Variants in DDX10 observed in about 807,000 individuals in gnomAD.
The protein encoded by DDX10 is probable ATP-dependent RNA helicase DDX10.
A neutral mutation model predicts 104.3 loss-of-function variants in DDX10; 74 were observed. The observed-to-expected ratio is 0.71, with a 90% confidence interval of 0.59 to 0.86. The LOEUF (loss-of-function observed/expected upper bound fraction) is 0.86. Among genes scored for constraint, DDX10 ranks in the 40% least tolerant of loss-of-function variants. The pLI is 0.00. For missense variants in DDX10, 952 were observed against 1,040.0 expected, an observed-to-expected ratio of 0.92 and a Z score of 1.16; for synonymous variants, 351 against 353.4, an observed-to-expected ratio of 0.99 and a Z score of 0.08.
intron 5 of DDX10, among the ~76,000 whole-genome samples, chr11:108,678,920 A>C (rs2134440815): frequency 8.8e-6 from 1 of 113,724 alleles, no homozygotes; most frequent in East Asian, 2.8e-4. Context: ...CTCTGTTGCT[A>C]GGCTGGAGTA....
chr11:108,789,874 G>A (rs1861847153), intron 13 of DDX10, among the ~76,000 whole-genome samples: 1 of 152,154 alleles, frequency 6.6e-6, no homozygotes, highest in African/African-American at 2.4e-5. Flanking sequence ...GACAATCTTA[G>A]TTCCTCATTG....
chr11:108,713,533 T>C (rs567242298), intron 10 of DDX10, among the ~76,000 whole-genome samples: 3 of 152,280 alleles, frequency 2.0e-5, no homozygotes, highest in East Asian at 1.9e-4. Context: ...TTCCATCTTA[T>C]TATGTTGCTC....
chr11:108,728,182 C>T (rs967962333), intron 13 of DDX10, among the ~76,000 whole-genome samples: 3 of 152,096 alleles, frequency 2.0e-5, no homozygotes, highest in Non-Finnish European at 4.4e-5. Flanking sequence ...ACAACAACAA[C>T]AAGCCCTTTT....
intron 17 of DDX10, among the ~76,000 whole-genome samples, chr11:108,930,712 A>G (rs906101700): frequency 6.6e-6 from 1 of 152,208 alleles, no homozygotes; most frequent in African/African-American, 2.4e-5. Flanking sequence ...TGTAGTTTAA[A>G]GAAAGCTGTT....
intron 13 of DDX10, among the ~76,000 whole-genome samples, chr11:108,772,813 C>T (rs2094365002): frequency 6.6e-6 from 1 of 152,192 alleles, no homozygotes; most frequent in South Asian, 2.1e-4. Context: ...CTAGGTTGCA[C>T]ATCCTTATGA....
intron 13 of DDX10, among the ~76,000 whole-genome samples, chr11:108,803,467 G>A (rs1288729009): frequency 6.6e-6 from 1 of 151,464 alleles, no homozygotes; most frequent in Non-Finnish European, 1.5e-5. Flanking sequence ...GATGGCACAT[G>A]CCTGTAATCC....
At chr11:108,808,774 A>T (rs1033055474) in intron 13 of DDX10, among the ~76,000 whole-genome samples, 11 of 152,196 alleles carry the variant, frequency 7.2e-5, no homozygotes, top group Non-Finnish European at 1.3e-4. Flanking sequence ...TAAAAAAAAA[A>T]GTAACAAAAT....
chr11:108,687,004 C>G (rs766024013), intron 6 of DDX10, among the ~76,000 whole-genome samples: 7 of 152,110 alleles, frequency 4.6e-5, no homozygotes, highest in Non-Finnish European at 8.8e-5. Context: ...CCAGGATGGT[C>G]TCGATCTCCT....
At chr11:108,893,936 A>G (rs2553750) in intron 16 of DDX10, among the ~76,000 whole-genome samples, 123,839 of 152,002 alleles carry the variant, frequency 0.81, 50,681 homozygotes, top group South Asian at 0.88. Context: ...CTCCTGTGCA[A>G]ACAAAATATT....
intron 13 of DDX10, among the ~76,000 whole-genome samples, chr11:108,815,194 C>T (rs991667689): frequency 6.6e-6 from 1 of 152,150 alleles, no homozygotes; most frequent in African/African-American, 2.4e-5. Context: ...TTTATATACT[C>T]CTGGGTCTTT....
At chr11:108,784,712 A>G (rs1000629291) in intron 13 of DDX10, among the ~76,000 whole-genome samples, 3 of 152,068 alleles carry the variant, frequency 2.0e-5, no homozygotes, top group Non-Finnish European at 4.4e-5. Flanking sequence ...CCCGTTTATC[A>G]ATTTTTGTTT....
At chr11:108,828,495 C>T (rs569634486) in intron 13 of DDX10, among the ~76,000 whole-genome samples, 3 of 152,162 alleles carry the variant, frequency 2.0e-5, no homozygotes, top group Non-Finnish European at 2.9e-5. Flanking sequence ...TTCCTTTTTA[C>T]GGCTGAATAG....
chr11:108,897,247 G>A (rs1463982012), intron 16 of DDX10, among the ~76,000 whole-genome samples: 1 of 152,112 alleles, frequency 6.6e-6, no homozygotes, highest in Non-Finnish European at 1.5e-5. Context: ...GCAAGCAGGG[G>A]ACAACCCATG....
intron 13 of DDX10, among the ~76,000 whole-genome samples, chr11:108,779,390 A>T (rs1297925617): frequency 6.6e-6 from 1 of 152,204 alleles, no homozygotes; most frequent in East Asian, 1.9e-4. Context: ...CTTTGCAGGG[A>T]CATGGATGAA....
At chr11:108,911,534 C>A (rs1022680775) in intron 16 of DDX10, among the ~76,000 whole-genome samples, 9 of 149,932 alleles carry the variant, frequency 6.0e-5, no homozygotes, top group African/African-American at 2.2e-4. Context: ...CTAACCAGTT[C>A]CCAAAAGCTT....
At chr11:108,875,993 G>T (rs1225203162) in intron 16 of DDX10, among the ~76,000 whole-genome samples, 1 of 152,156 alleles carries the variant, frequency 6.6e-6, no homozygotes. Context: ...AGGTTTGCAC[G>T]TGAAGAAAAT....
chr11:108,842,914 C>T (rs1862660809), intron 15 of DDX10, among the ~76,000 whole-genome samples: 1 of 152,182 alleles, frequency 6.6e-6, no homozygotes, highest in Non-Finnish European at 1.5e-5. Flanking sequence ...ATAATGTTCA[C>T]CCTCTTCCCC....
intron 13 of DDX10, among the ~76,000 whole-genome samples, chr11:108,757,098 G>A (rs749431303): frequency 6.3e-5 from 9 of 141,998 alleles, no homozygotes; most frequent in Non-Finnish European, 1.3e-4. Context: ...AGGGGAAGGC[G>A]CTGCTGAGGA....
intron 11 of DDX10, among the ~76,000 whole-genome samples, chr11:108,718,535 C>A (rs12808060): frequency 0.16 from 24,233 of 152,134 alleles, 1,955 homozygotes; most frequent in East Asian, 0.25. Context: ...TGACTTACTG[C>A]ATGCCTAAGA....
Sources: allele counts gnomAD v4.1 joint callset (sites outside exome capture counted in the v4.1 genomes callset), GRCh38; gene constraint gnomAD v4.1.1; transcripts MANE v1.5; gene names NCBI Gene and HGNC (gene_info 2026-07-23, HGNC 2026-07-21).